TBC1D8: variants seen among roughly 807,000 people sequenced by gnomAD.
TBC1D8 encodes BUB2-like protein 1.
TBC1D8 carries 65 observed loss-of-function variants against 118.8 expected under a neutral mutation model. That is an observed-to-expected ratio of 0.55 (90% CI 0.45 to 0.67). TBC1D8 has a LOEUF of 0.67. Ranked by LOEUF, TBC1D8 falls within the 30% of genes least tolerant of loss-of-function variation. The pLI is 0.00. For missense variants in TBC1D8, 1,376 were observed against 1,471.2 expected, an observed-to-expected ratio of 0.94 and a Z score of 1.06; for synonymous variants, 566 against 595.8, an observed-to-expected ratio of 0.95 and a Z score of 0.73.
intron 2 of TBC1D8, among the ~76,000 whole-genome samples, chr2:101,088,103 C>G (rs1247431049): frequency 2.6e-5 from 4 of 152,172 alleles, no homozygotes; most frequent in Admixed American, 2.6e-4. Flanking sequence ...ACACAAGTTG[C>G]ATTTTTATGA....
chr2:101,129,348 G>A (rs989745227), intron 1 of TBC1D8, among the ~76,000 whole-genome samples: 1 of 152,022 alleles, frequency 6.6e-6, no homozygotes, highest in Non-Finnish European at 1.5e-5. Context: ...TCGCCATGTT[G>A]GCCAGGCTGT....
intron 2 of TBC1D8, among the ~76,000 whole-genome samples, chr2:101,073,157 G>T (rs561424708): frequency 6.6e-6 from 1 of 152,190 alleles, no homozygotes; most frequent in Non-Finnish European, 1.5e-5. Flanking sequence ...CCTATATCAA[G>T]AGGAGCTTTG....
At chr2:101,089,826 T>C (rs1044151720) in intron 2 of TBC1D8, among the ~76,000 whole-genome samples, 7 of 150,966 alleles carry the variant, frequency 4.6e-5, no homozygotes, top group African/African-American at 1.7e-4. Flanking sequence ...CGATTCGTTA[T>C]CGACAATATA....
intron 1 of TBC1D8, among the ~76,000 whole-genome samples, chr2:101,108,043 A>C (rs540948022): frequency 6.8e-6 from 1 of 147,788 alleles, no homozygotes; most frequent in East Asian, 2.1e-4. Context: ...GCAAGAGAGC[A>C]AGGCTCTGTC....
intron 11 of TBC1D8, among the ~76,000 whole-genome samples, chr2:101,030,165 G>GA (rs1243206021): frequency 6.6e-6 from 1 of 152,084 alleles, no homozygotes; most frequent in African/African-American, 2.4e-5. Context: ...ACTAACCATA[G>GA]AAAAAATTGT....
At chr2:101,011,677 A>C (rs1360595511) in intron 17 of TBC1D8, 137 bp from the exon 18 acceptor site, 6 of 762,726 alleles carry the variant, frequency 7.9e-6, no homozygotes, top group Non-Finnish European at 1.3e-5. Flanking sequence ...AGGGTCCACG[A>C]ACCCAAATGC....
Position 101,007,580 on chromosome 2 carries a change from G to A in TBC1D8, c.*241C>T, listed in dbSNP as rs903292890. On this transcript the variant is annotated 3_prime_UTR_variant, in exon 20 of 20. Coordinates refer to ENST00000409318, the MANE Select transcript of TBC1D8 (RefSeq NM_001330348.2). ...CAGAAGTGCCCATTTCAGCAAATCC[G>A]GTAAAAATTGTAAGTTGGCATCAAG... is the stretch of plus-strand genomic sequence containing the variant. 3.2e-5 allele frequency: 16 copies of A among 502,746 alleles called. No individual in the cohort carries two copies. Among genetic ancestry groups the A allele is most frequent in the Admixed American group, 7.1e-5 (2 of 27,984 alleles). 31.1% of individuals were successfully genotyped at this position (502,746 alleles called of 1,614,324 possible).
intron 16 of TBC1D8, 110 bp from the exon 17 acceptor site, chr2:101,021,856 C>G (rs1680048412): frequency 1.4e-6 from 1 of 709,314 alleles, no homozygotes; most frequent in Admixed American, 2.2e-5. Context: ...CTGCCACCCC[C>G]AACTCTCCTG....
At chr2:101,056,708 G>A (rs1682457408) in intron 3 of TBC1D8, among the ~76,000 whole-genome samples, 1 of 152,158 alleles carries the variant, frequency 6.6e-6, no homozygotes, top group Admixed American at 6.5e-5. Context: ...AGGCGTGGAG[G>A]GGTCTTTATG....
chr2:101,017,377 A>G (rs984725612), intron 17 of TBC1D8, among the ~76,000 whole-genome samples: 6 of 152,204 alleles, frequency 3.9e-5, no homozygotes, highest in African/African-American at 4.8e-5. Context: ...TAGGTGTTAC[A>G]TGTAATTTTA....
rs761904454 is a variant in TBC1D8, at chr2:101,010,941, G to A, written c.3003C>T (p.Pro1001=). 1.9e-6 allele frequency: 3 copies of A among 1,610,142 alleles called. No individual in the cohort carries two copies. In the Admixed American group the frequency reaches 5.0e-5, roughly 27 times the overall value. Residue 1001 remains proline, a synonymous_variant, in exon 19 of 20, where the codon CCC becomes CCT. Transcript: ENST00000409318. ...KEKDKTEKEL[P]KMSQREFIQF... The stretch of plus-strand genomic sequence containing the variant: ...AGAAAGTCCATACCTGGCTCATTTT[G>A]GGCAATTCTTTCTCAGTTTTATCTT...
chr2:101,067,812 G>A (rs191133266), intron 2 of TBC1D8, among the ~76,000 whole-genome samples: 1 of 152,300 alleles, frequency 6.6e-6, no homozygotes, highest in East Asian at 1.9e-4. Flanking sequence ...GATGCTGTTG[G>A]TAGCATTTTG....
rs368730178 is a variant in TBC1D8, at chr2:101,036,118, G to A, written c.1503C>T (p.Tyr501=). ...ISLWNDHFVE[Y]GRTVCMFRTE... ...TGCGAAACATACACACGGTTCTGCCGTATTCCACAAAGTGGTCATTCCACA... is the reference window on the plus strand; with the variant it reads ...TGCGAAACATACACACGGTTCTGCCATATTCCACAAAGTGGTCATTCCACA... The change falls in exon 9 of 20, where the codon TAC becomes TAT. Residue 501 remains tyrosine (Y), a synonymous_variant. Coordinates refer to ENST00000409318, the MANE Select transcript of TBC1D8 (RefSeq NM_001330348.2). The A allele has an allele frequency of 1.4e-5, 22 of 1,613,826 alleles. No homozygotes were observed. Among genetic ancestry groups the A allele is most frequent in the African/African-American group, 2.7e-5 (2 of 74,892 alleles).
At chr2:101,139,612 T>C (rs1388674836) in intron 1 of TBC1D8, among the ~76,000 whole-genome samples, 1 of 152,088 alleles carries the variant, frequency 6.6e-6, no homozygotes, top group Non-Finnish European at 1.5e-5. Flanking sequence ...CCTTTCCTCC[T>C]CTACAGGCCT....
At chr2:101,116,351 C>G (rs768170865) in intron 1 of TBC1D8, among the ~76,000 whole-genome samples, 5 of 152,190 alleles carry the variant, frequency 3.3e-5, no homozygotes, top group Non-Finnish European at 5.9e-5. Context: ...TCACTCTGCT[C>G]TGTATCAGCT....
In TBC1D8 at chr2:101,033,581, G is replaced by A; in HGVS notation, c.1781C>T (p.Ala594Val). ...AATCTTGGGGTTCCGGTGGGCATAG[G>A]CCGTCAAGACTCTCCTCAAAGCAGC... ...GIAALRRVLT[A>V]YAHRNPKIGY... The change falls in exon 10 of 20, where the codon GCC (alanine) becomes GTC (valine). Residue 594 changes from alanine (A) to valine (V), a missense_variant. Coordinates refer to ENST00000409318, the MANE Select transcript of TBC1D8 (RefSeq NM_001330348.2). 6.2e-7 allele frequency: 1 copy of A among 1,613,822 alleles called. No individual in the cohort carries two copies.
At position 101,148,985 on chromosome 2, in the gene TBC1D8, C is replaced by G. The variant is rs190855157; in HGVS notation, c.127+2142G>C. Among the ~76,000 whole-genome samples the G allele has an allele frequency of 1.1e-3, 161 of 152,304 alleles. 2 individuals are homozygous for G. Among genetic ancestry groups the G allele is most frequent in the African/African-American group, 3.7e-3 (155 of 41,560 alleles). ...TGGTCCCATGAAGACCAGCCCCCCA[C>G]AGCACACGTGGCAGGTCAGCGCTGC... On this transcript the variant is annotated intron_variant, in intron 1 of 19. Coordinates refer to ENST00000409318, the MANE Select transcript of TBC1D8 (RefSeq NM_001330348.2).
chr2:101,018,742 T>C (rs112295894), intron 17 of TBC1D8, among the ~76,000 whole-genome samples: 22 of 152,294 alleles, frequency 1.4e-4, no homozygotes, highest in African/African-American at 5.3e-4. Flanking sequence ...AACCTCCAAA[T>C]TGTCTCATTT....
At chr2:101,127,945 A>T (rs1163226128) in intron 1 of TBC1D8, among the ~76,000 whole-genome samples, 1 of 152,194 alleles carries the variant, frequency 6.6e-6, no homozygotes, top group Non-Finnish European at 1.5e-5. Context: ...AACTAAGCAC[A>T]CTGGCTGTTA....
Sources: allele counts gnomAD v4.1 joint callset (sites outside exome capture counted in the v4.1 genomes callset), GRCh38; gene constraint gnomAD v4.1.1; transcripts MANE v1.5; gene names NCBI Gene and HGNC (gene_info 2026-07-23, HGNC 2026-07-21).